The following CNDP2 variants were observed in gnomAD, a reference collection of about 807,000 sequenced individuals.
The protein encoded by CNDP2 is cytosolic non-specific dipeptidase.
In CNDP2, 38 loss-of-function variants were observed where a neutral mutation model predicts 55.0. The observed-to-expected ratio is 0.69, with a 90% CI of 0.53 to 0.90. CNDP2 has a LOEUF of 0.90. Ranked by LOEUF, CNDP2 falls within the 40% of genes least tolerant of loss-of-function variation. The pLI is 0.00. For missense variants in CNDP2, 607 were observed against 621.7 expected (o/e 0.98, Z 0.25); for synonymous variants, 241 against 260.2 (o/e 0.93, Z 0.71).
rs1289298312 is a variant in CNDP2, at chr18:74,519,105, C to T, written c.1358+9C>T. ...AATGAAAAGCTCAACAGGTGAGAGT[C>T]CAGGGTGCGGCCCAGGTTGGCGTCT... On this transcript the variant is annotated intron_variant, in intron 11 of 11. Transcript: ENST00000324262. The T allele has an allele frequency of 1.2e-6, 2 of 1,600,864 alleles. No homozygotes were observed. Among genetic ancestry groups the T allele is most frequent in the Admixed American group, 3.4e-5 (2 of 59,428 alleles).
intron 7 of CNDP2, among the ~76,000 whole-genome samples, chr18:74,512,861 T>G (rs1310636943): frequency 6.6e-6 from 1 of 152,190 alleles, no homozygotes; most frequent in Non-Finnish European, 1.5e-5. Flanking sequence ...GTGGTCATTT[T>G]CCATCTCTCT....
intron 1 of CNDP2, among the ~76,000 whole-genome samples, chr18:74,499,090 G>A (rs1193223458): frequency 1.3e-5 from 2 of 152,170 alleles, no homozygotes; most frequent in African/African-American, 4.8e-5. Flanking sequence ...ATGTAGACAC[G>A]AGGCTGTAGT....
At chr18:74,518,842 G>C in intron 10 of CNDP2, 107 bp from the exon 11 acceptor site, 2 of 1,523,772 alleles carry the variant, frequency 1.3e-6, no homozygotes, top group East Asian at 4.5e-5. Flanking sequence ...GCTGTCCCCA[G>C]GGCCTTGCAC....
At chr18:74,506,226 CG>C (rs1979017722) in intron 4 of CNDP2, among the ~76,000 whole-genome samples, 1 of 152,134 alleles carries the variant, frequency 6.6e-6, no homozygotes, top group Admixed American at 6.6e-5. Flanking sequence ...CTCCGCCTCC[CG>C]GGGTTCAAGC....
In CNDP2 at chr18:74,516,643, C is replaced by T. The variant is rs563255390; in HGVS notation, c.1068+251C>T. ...TTTGACCTCACTCACCTCAAGGCTC[C>T]AGGCCAAACACCAACTTTGGACCAA... On this transcript the variant is annotated intron_variant, in intron 9 of 11. Coordinates refer to ENST00000324262, the MANE Select transcript of CNDP2 (RefSeq NM_018235.3). The T allele has an allele frequency of 1.3e-5, 6 of 465,250 alleles. No individual in the cohort carries two copies. In the South Asian group the frequency reaches 1.8e-4, roughly 14 times the overall value. The allele number at this position is 465,250 out of a possible 1,614,324, so 28.8% of individuals were successfully genotyped here.
At chr18:74,504,649 C>T (rs7234384) in intron 3 of CNDP2, 107,595 of 152,206 alleles carry the variant, frequency 0.71, 38,453 homozygotes, top group East Asian at 0.97. Flanking sequence ...TTAGTTTTTG[C>T]GTTGTGTCTG....
rs1478750142 is a variant in CNDP2 at position 74,501,287 on chromosome 18, A to G, written c.61-42A>G. On this transcript the variant is annotated intron_variant, in intron 2 of 11. Transcript: ENST00000324262. ...TACGGGAGCCTCTTCTCCCTCAAGGACACCTTTTCAGAATCCCTCGTTGCT... is the reference window on the plus strand; with the variant it reads ...TACGGGAGCCTCTTCTCCCTCAAGGGCACCTTTTCAGAATCCCTCGTTGCT... The G allele has an allele frequency of 2.5e-6, 4 of 1,593,874 alleles. No individual in the cohort carries two copies. The East Asian group carries it at 6.7e-5, about 27-fold the overall frequency.
intron 7 of CNDP2, 78 bp downstream of exon 7, chr18:74,512,610 T>C: frequency 7.9e-7 from 1 of 1,264,008 alleles, no homozygotes; most frequent in East Asian, 2.4e-5. Flanking sequence ...GTCATCAGCA[T>C]TGGGTGCATT....
chr18:74,516,307 C>T lies in CNDP2; in HGVS notation c.983C>T (p.Ala328Val). 6.2e-7 allele frequency: 1 copy of T among 1,614,154 alleles called. No individual in the cohort carries two copies. Among genetic ancestry groups the T allele is most frequent in the Middle Eastern group, 1.6e-4 (1 of 6,062 alleles). The change falls in exon 9 of 12, where the codon GCC becomes GTC. Residue 328 changes from alanine (A) to valine (V), a missense_variant. Coordinates refer to ENST00000324262, the MANE Select transcript of CNDP2 (RefSeq NM_018235.3). The stretch of plus-strand genomic sequence containing the variant: ...GAAGGCGCCTTCTCTGGGTCTGGGG[C>T]CAAGACCGTGATTCCCAGGAAGGTG... ...GIEGAFSGSGAKTVIPRKVVG... is the reference protein window; with the variant it reads ...GIEGAFSGSGVKTVIPRKVVG...
intron 2 of CNDP2, chr18:74,501,050 T>A: frequency 1.7e-6 from 1 of 604,112 alleles, no homozygotes; most frequent in Non-Finnish European, 2.2e-6. Context: ...GGCGCCGGGC[T>A]GCCTGTCTTT....
intron 1 of CNDP2, chr18:74,499,340 G>A (rs1283065545): frequency 1.3e-5 from 2 of 152,558 alleles, no homozygotes; most frequent in Non-Finnish European, 2.9e-5. Flanking sequence ...TGGGGTGAGA[G>A]CATGCGCGCT....
chr18:74,503,985 C>T (rs963710409), intron 3 of CNDP2, among the ~76,000 whole-genome samples: 79 of 148,152 alleles, frequency 5.3e-4, no homozygotes, highest in African/African-American at 2.0e-3. Flanking sequence ...GCCGCTGGGA[C>T]AAATGAGGGG....
intron 9 of CNDP2, 29 bp downstream of exon 9, chr18:74,516,421 GC>G (rs1979671584): frequency 1.3e-6 from 2 of 1,584,256 alleles, no homozygotes; most frequent in Non-Finnish European, 1.7e-6. Flanking sequence ...CGGGGTGGGG[GC>G]CAAGAGCTAC....
chr18:74,516,122 T>A, intron 8 of CNDP2, 106 bp from the exon 9 acceptor site: 1 of 1,277,660 alleles, frequency 7.8e-7, no homozygotes, highest in Non-Finnish European at 1.1e-6. Flanking sequence ...GGCCAGGCCC[T>A]GTTTCATACC....
In CNDP2 at chr18:74,518,526, G is replaced by T. The variant is rs1479040663; in HGVS notation, c.1096G>T (p.Ala366Ser). The T allele has an allele frequency of 6.2e-7, 1 of 1,614,164 alleles. No individual in the cohort carries two copies. Among genetic ancestry groups the T allele is most frequent in the African/African-American group, 1.3e-5 (1 of 75,038 alleles). The change falls in exon 10 of 12, where the codon GCT becomes TCT. Residue 366 changes from alanine to serine, a missense_variant. By Grantham distance (99) the Ala-to-Ser change is moderately conservative. Coordinates refer to ENST00000324262, the MANE Select transcript of CNDP2 (RefSeq NM_018235.3). ...QVTSYLTKKF[A>S]ELRSPNEFKV... ...CACAAGCTACCTAACTAAGAAGTTT[G>T]CTGAACTACGCAGCCCCAATGAGTT...
At chr18:74,513,521 C>G (rs747611658) in intron 7 of CNDP2, 38 bp from the exon 8 acceptor site, 1 of 1,582,284 alleles carries the variant, frequency 6.3e-7, no homozygotes, top group Non-Finnish European at 8.6e-7. Flanking sequence ...TTGGTGCGGC[C>G]TCCCCTGAGT....
intron 3 of CNDP2, among the ~76,000 whole-genome samples, chr18:74,502,173 A>C (rs1456479454): frequency 6.6e-6 from 1 of 152,190 alleles, no homozygotes; most frequent in Non-Finnish European, 1.5e-5. Context: ...GGTGTGAGCC[A>C]CTTTTTCATA....
At chr18:74,512,262 C>T (rs1478967202) in intron 6 of CNDP2, among the ~76,000 whole-genome samples, 186 bp from the exon 7 acceptor site, 1 of 152,194 alleles carries the variant, frequency 6.6e-6, no homozygotes, top group Non-Finnish European at 1.5e-5. Context: ...CACAGATAAG[C>T]TGGTATGTTT....
intron 9 of CNDP2, chr18:74,517,412 T>G (rs1979743415): frequency 6.6e-6 from 1 of 152,086 alleles, no homozygotes; most frequent in African/African-American, 2.4e-5. Flanking sequence ...CGGTGCGTGC[T>G]GAATCACATC....
Sources: gnomAD v4.1 joint callset for allele counts (sites outside exome capture counted in the v4.1 genomes callset) on GRCh38, gnomAD v4.1.1 for gene constraint, MANE v1.5 for transcripts, NCBI Gene and HGNC (gene_info 2026-07-23, HGNC 2026-07-21) for gene names.